Variants in PKNOX2 observed in about 807,000 individuals in gnomAD.
The protein encoded by PKNOX2 is PBX/knotted 1 homeobox 2.
Under a neutral mutation model 53.1 loss-of-function variants are expected in PKNOX2, and 14 were observed. The ratio of observed to expected loss-of-function variants is 0.26; its 90% confidence interval spans 0.17 to 0.41. The LOEUF is 0.41. PKNOX2 is among the 10% of genes least tolerant of loss of function. The probability of loss-of-function intolerance (pLI) is 1.00; values close to 1 mark genes in which losing one functional copy is unlikely to be tolerated. For synonymous variants in PKNOX2, 257 were observed against 242.8 expected (o/e 1.06, Z -0.54); for missense variants, 496 against 602.8 (o/e 0.82, Z 1.85).
chr11:125,231,876 A>T lies in PKNOX2; in HGVS notation c.-200-3169A>T, dbSNP rs1372872872. 2.0e-5 allele frequency among the ~76,000 whole-genome samples: 3 copies of T among 152,196 alleles called. No homozygotes were observed. In the East Asian group the frequency reaches 5.8e-4, roughly 29 times the overall value. The stretch of plus-strand genomic sequence containing the variant: ...GAAGACACTATTAATGTTTTATCAA[A>T]ATACAAGTTTGTCAACACTATCAGC... On this transcript the variant is annotated intron_variant, in intron 1 of 12. Coordinates refer to ENST00000298282, the MANE Select transcript of PKNOX2 (RefSeq NM_001382323.2).
At chr11:125,193,463 C>T (rs1465523468) in intron 1 of PKNOX2, among the ~76,000 whole-genome samples, 1 of 152,156 alleles carries the variant, frequency 6.6e-6, no homozygotes, top group African/African-American at 2.4e-5. Context: ...TAAAGCGAGC[C>T]TTCTGTCCGT....
intron 2 of PKNOX2, among the ~76,000 whole-genome samples, chr11:125,273,790 T>TTTTTG (rs533583981): frequency 1.3e-4 from 20 of 152,168 alleles, no homozygotes; most frequent in East Asian, 1.9e-4. Flanking sequence ...CATTCTATAG[T>TTTTTG]TTTTGTTTTG....
At chr11:125,205,770 C>G (rs1005971014) in intron 1 of PKNOX2, among the ~76,000 whole-genome samples, 5 of 152,074 alleles carry the variant, frequency 3.3e-5, no homozygotes, top group African/African-American at 1.2e-4. Context: ...CACTTAAAAT[C>G]TACAAGATAC....
At chr11:125,395,965 T>C (rs1954366145) in intron 6 of PKNOX2, among the ~76,000 whole-genome samples, 1 of 151,544 alleles carries the variant, frequency 6.6e-6, no homozygotes, top group Admixed American at 6.6e-5. Context: ...TTTTTTTTTT[T>C]TTTTTTTAGA....
chr11:125,335,935 C>T (rs988962981), intron 3 of PKNOX2, among the ~76,000 whole-genome samples: 3 of 152,110 alleles, frequency 2.0e-5, no homozygotes, highest in Non-Finnish European at 2.9e-5. Flanking sequence ...TCAGAAAGCT[C>T]CTTGAAGGTA....
rs549923087 is a variant in PKNOX2 at position 125,270,982 on chromosome 11, A to C, written c.-130+35867A>C. ...GGCTCTTGATTGGCTAGGACCAAAG[A>C]TGCTGAACCTTAGCTGCCTTGGGGG... On this transcript the variant is annotated intron_variant, in intron 2 of 12. Coordinates refer to ENST00000298282, the MANE Select transcript of PKNOX2 (RefSeq NM_001382323.2). 2.0e-5 allele frequency among the ~76,000 whole-genome samples: 3 copies of C among 152,286 alleles called. No homozygotes were observed. The South Asian group carries it at 6.2e-4, about 32-fold the overall frequency.
At chr11:125,318,710 G>T (rs989369491) in intron 2 of PKNOX2, among the ~76,000 whole-genome samples, 1 of 152,148 alleles carries the variant, frequency 6.6e-6, no homozygotes, top group Admixed American at 6.5e-5. Flanking sequence ...TCAATGATAT[G>T]GTTCGGCTCT....
chr11:125,280,436 G>C (rs1946480112), intron 2 of PKNOX2, among the ~76,000 whole-genome samples: 1 of 152,144 alleles, frequency 6.6e-6, no homozygotes, highest in African/African-American at 2.4e-5. Flanking sequence ...GGCAAGGAGA[G>C]GCTGCACCTT....
At chr11:125,288,853 C>T (rs921778476) in intron 2 of PKNOX2, among the ~76,000 whole-genome samples, 19 of 152,158 alleles carry the variant, frequency 1.2e-4, no homozygotes, top group East Asian at 5.8e-4. Context: ...TAGTGAGATC[C>T]GCAGGTGCTT....
intron 5 of PKNOX2, among the ~76,000 whole-genome samples, chr11:125,374,720 A>G (rs11220039): frequency 0.14 from 21,370 of 152,156 alleles, 2,786 homozygotes; most frequent in African/African-American, 0.35. Context: ...GCCAAGACCA[A>G]AGATCCAGGA....
intron 2 of PKNOX2, among the ~76,000 whole-genome samples, chr11:125,286,598 C>G (rs1244107786): frequency 2.6e-5 from 4 of 152,346 alleles, no homozygotes; most frequent in Non-Finnish European, 4.4e-5. Context: ...GTGCTGAGCC[C>G]TCCTCCCCAC....
chr11:125,386,690 T>C (rs1228061596), intron 6 of PKNOX2, among the ~76,000 whole-genome samples: 2 of 138,562 alleles, frequency 1.4e-5, no homozygotes, highest in East Asian at 2.1e-4. Flanking sequence ...AAAGAAAATG[T>C]GGTTCCAGAA....
rs529738986 is a variant in PKNOX2 at position 125,333,308 on chromosome 11, T to A, written c.-23+1383T>A. Among the ~76,000 whole-genome samples, 20 of 152,286 alleles carry A rather than the reference T, an allele frequency of 1.3e-4. No homozygotes were observed. In the East Asian group the frequency reaches 3.9e-3, roughly 29 times the overall value. ...TGCTGAACTCTCCTGTAGAGTCCTA[T>A]TTCTCTGCAGGCTGAGGCTGTGGAT... On this transcript the variant is annotated intron_variant, in intron 3 of 12. Coordinates refer to ENST00000298282, the MANE Select transcript of PKNOX2 (RefSeq NM_001382323.2).
chr11:125,411,466 C>T (rs1389346605), intron 9 of PKNOX2: 1 of 163,532 alleles, frequency 6.1e-6, no homozygotes, highest in Non-Finnish European at 1.2e-5. Context: ...CTGTCTTTCT[C>T]TCTCTCTCTC....
At position 125,239,019 on chromosome 11, in the gene PKNOX2, T is replaced by C. The variant is rs568660005; in HGVS notation, c.-130+3904T>C. 1.2e-4 allele frequency among the ~76,000 whole-genome samples: 19 copies of C among 152,296 alleles called. No individual in the cohort carries two copies. The South Asian group carries it at 2.7e-3, about 22-fold the overall frequency. On this transcript the variant is annotated intron_variant, in intron 2 of 12. Transcript: ENST00000298282. ...CTCACTGCGATCCAGCATGTGCAGGTACCTAGAGCCATTCTTGGCACACAA... is the reference window on the plus strand; with the variant it reads ...CTCACTGCGATCCAGCATGTGCAGGCACCTAGAGCCATTCTTGGCACACAA...
At chr11:125,285,496 G>A (rs1946840812) in intron 2 of PKNOX2, among the ~76,000 whole-genome samples, 2 of 152,330 alleles carry the variant, frequency 1.3e-5, no homozygotes, top group South Asian at 4.1e-4. Flanking sequence ...AGCCTCAGCT[G>A]TATCTTCATC....
At chr11:125,383,951 A>G in intron 5 of PKNOX2, among the ~76,000 whole-genome samples, 1 of 152,130 alleles carries the variant, frequency 6.6e-6, no homozygotes, top group East Asian at 1.9e-4. Flanking sequence ...AAAAAAACAA[A>G]ACAAAACAAA....
chr11:125,204,464 C>G (rs764841992), intron 1 of PKNOX2, among the ~76,000 whole-genome samples: 5 of 152,150 alleles, frequency 3.3e-5, no homozygotes, highest in Non-Finnish European at 5.9e-5. Context: ...TTTAGCAGTG[C>G]TGTGCTCGCT....
At chr11:125,381,357 C>T (rs552546899) in intron 5 of PKNOX2, among the ~76,000 whole-genome samples, 8 of 152,254 alleles carry the variant, frequency 5.3e-5, no homozygotes, top group Admixed American at 3.9e-4. Context: ...ACCCTGACTG[C>T]TCAGTCCTCA....
Sources: gnomAD v4.1 joint callset for allele counts (sites outside exome capture counted in the v4.1 genomes callset) on GRCh38, gnomAD v4.1.1 for gene constraint, MANE v1.5 for transcripts, NCBI Gene and HGNC (gene_info 2026-07-23, HGNC 2026-07-21) for gene names.